The following CYB5RL variants were observed in gnomAD, a reference collection of about 807,000 sequenced individuals.
CYB5RL encodes cytochrome b5 reductase like, also known as NADH-cytochrome b5 reductase-like.
A neutral mutation model predicts 37.5 loss-of-function variants in CYB5RL; 38 were observed. That is an observed-to-expected ratio of 1.01 (90% CI 0.78 to 1.33). The LOEUF is 1.33. CYB5RL is among the 40% of genes most tolerant of loss of function. The pLI, the probability that CYB5RL is intolerant of heterozygous loss-of-function variation, is 0.00. For synonymous variants in CYB5RL, 141 were observed against 151.9 expected, an observed-to-expected ratio of 0.93 and a Z score of 0.53; for missense variants, 388 against 394.4, an observed-to-expected ratio of 0.98 and a Z score of 0.14.
At position 54,179,160 on chromosome 1, in the gene CYB5RL, C is replaced by A; in HGVS notation, c.733G>T (p.Val245Leu). 1 of 1,612,568 alleles carries A rather than the reference C, an allele frequency of 6.2e-7. No individual in the cohort carries two copies. Among genetic ancestry groups the A allele is most frequent in the African/African-American group, 1.3e-5 (1 of 75,026 alleles). ...CACCCTGGGCTCACCTGGCTGAGTA[C>A]AAAGAAGGTACGGACATTCCAGAAA... The part of the protein sequence containing the change: ...ARFWNVRTFF[V>L]LSQESSSEQL... Residue 245 changes from valine (V) to leucine (L), a missense_variant, in exon 7 of 8, where the codon GTA (valine) becomes TTA (leucine). Coordinates refer to ENST00000534324, the MANE Select transcript of CYB5RL (RefSeq NM_001031672.4).
chr1:54,195,631 C>G lies in CYB5RL; in HGVS notation c.-15G>C. 4.4e-6 allele frequency: 7 copies of G among 1,597,940 alleles called. No homozygotes were observed. The highest frequency in any genetic ancestry group is 6.0e-6 in the Non-Finnish European group (7 of 1,170,272). On this transcript the variant is annotated 5_prime_UTR_variant, in exon 3 of 8. Coordinates refer to ENST00000534324, the MANE Select transcript of CYB5RL (RefSeq NM_001031672.4). Reference sequence around the variant, plus strand: ...TCAGCCATCATCAGTGGGGCTTGGGCAGCCTAGAAGGAACAACTGGGTGCT... The same window carrying G: ...TCAGCCATCATCAGTGGGGCTTGGGGAGCCTAGAAGGAACAACTGGGTGCT...
At chr1:54,188,154 G>T (rs1166362440) in intron 4 of CYB5RL, among the ~76,000 whole-genome samples, 1 of 152,176 alleles carries the variant, frequency 6.6e-6, no homozygotes, top group Non-Finnish European at 1.5e-5. Context: ...TCACTGAGAG[G>T]CAGGCAAGAT....
At chr1:54,199,736 G>C (rs553513172) in intron 1 of CYB5RL, among the ~76,000 whole-genome samples, 19 of 152,340 alleles carry the variant, frequency 1.2e-4, no homozygotes, top group Middle Eastern at 6.8e-3. Flanking sequence ...GTCACGCTCA[G>C]AGCTGGCTTG....
chr1:54,198,359 G>A (rs956848985), intron 1 of CYB5RL, among the ~76,000 whole-genome samples: 4 of 149,224 alleles, frequency 2.7e-5, no homozygotes, highest in Admixed American at 2.0e-4. Flanking sequence ...TGAGACAAGA[G>A]TCTCGCTCTG....
chr1:54,196,760 A>C (rs773404565), intron 1 of CYB5RL, among the ~76,000 whole-genome samples: 1 of 152,182 alleles, frequency 6.6e-6, no homozygotes, highest in Non-Finnish European at 1.5e-5. Flanking sequence ...AGCTTCTAAA[A>C]TGGTGGCAAC....
intron 7 of CYB5RL, among the ~76,000 whole-genome samples, chr1:54,177,135 C>A (rs778150704): frequency 6.6e-6 from 1 of 152,038 alleles, no homozygotes; most frequent in African/African-American, 2.4e-5. Context: ...CAGTAGGGAG[C>A]CAGGCAAGGG....
At position 54,184,249 on chromosome 1, in the gene CYB5RL, AG is replaced by A. The variant is rs761980640; in HGVS notation, c.451del (p.Leu151Ter). The A allele has an allele frequency of 6.2e-7, 1 of 1,613,612 alleles. No individual in the cohort carries two copies. Among genetic ancestry groups the A allele is most frequent in the South Asian group, 1.1e-5 (1 of 90,888 alleles). On this transcript the variant is annotated frameshift_variant, in exon 6 of 8. Coordinates refer to ENST00000534324, the MANE Select transcript of CYB5RL (RefSeq NM_001031672.4). LOFTEE classifies it high-confidence loss of function. ...CCAGGACTCAACATACCGGGACATCAGCCCCATCTGGTAGCACTGGAAGCAA... is the reference window on the plus strand; with the variant it reads ...CCAGGACTCAACATACCGGGACATCACCCCATCTGGTAGCACTGGAAGCAA... ...EVLIKCYQMG[L>X]MSRYVESWRV...
rs1046504902 is a variant in CYB5RL, at chr1:54,195,516, G to A, written c.101C>T (p.Ser34Leu). The A allele has an allele frequency of 8.7e-6, 14 of 1,613,682 alleles. No individual in the cohort carries two copies. The Middle Eastern group carries it at 8.3e-4, about 95-fold the overall frequency. Residue 34 changes from serine (S) to leucine (L), a missense_variant, in exon 3 of 8, where the codon TCA (serine) becomes TTA (leucine). Coordinates refer to ENST00000534324, the MANE Select transcript of CYB5RL (RefSeq NM_001031672.4). ...GTGATAGAGGTCAAACACACAGGGT[G>A]AGCAGCCACTGCCGCAGCACTGGGA... Reference protein sequence around the residue: ...LPSQCCGSGCSPCVFDLYHRD... With the variant: ...LPSQCCGSGCLPCVFDLYHRD...
In CYB5RL at chr1:54,171,073, G is replaced by A. The variant is rs1282228738; in HGVS notation, c.*3546C>T. The A allele has an allele frequency of 2.2e-6, 1 of 451,862 alleles. No homozygotes were observed. Among genetic ancestry groups the A allele is most frequent in the South Asian group, 1.6e-5 (1 of 64,176 alleles). 28.0% of individuals were successfully genotyped at this position (451,862 alleles called of 1,614,324 possible). The stretch of plus-strand genomic sequence containing the variant: ...CACTTATGGGTACAGCGACAGAAAA[G>A]CACACAAGCCTCTCTGCTCACTGAC... On this transcript the variant is annotated 3_prime_UTR_variant, in exon 8 of 8. Coordinates refer to ENST00000534324, the MANE Select transcript of CYB5RL (RefSeq NM_001031672.4).
rs114608725 is a variant in CYB5RL, at chr1:54,186,706, G to A, written c.435+946C>T. Among the ~76,000 whole-genome samples the A allele has an allele frequency of 8.3e-4, 127 of 152,148 alleles. 1 individual carries two copies. The highest frequency in any genetic ancestry group is 1.5e-3 in the Non-Finnish European group (102 of 68,014). On this transcript the variant is annotated intron_variant, in intron 5 of 7. Coordinates refer to ENST00000534324, the MANE Select transcript of CYB5RL (RefSeq NM_001031672.4). ...TCTCCCAGACAAACAGTTGCATGAAGAAGGGATCCCATCCAAGCTTATGTG... is the reference window on the plus strand; with the variant it reads ...TCTCCCAGACAAACAGTTGCATGAAAAAGGGATCCCATCCAAGCTTATGTG...
chr1:54,195,522 C>T lies in CYB5RL; in HGVS notation c.95G>A (p.Gly32Asp). The change falls in exon 3 of 8, where the codon GGC becomes GAC. Residue 32 changes from glycine (G) to aspartate (D), a missense_variant. Gly to Asp is a moderately conservative substitution (Grantham distance 94, BLOSUM62 -1). Transcript: ENST00000534324. The stretch of plus-strand genomic sequence containing the variant: ...GAGGTCAAACACACAGGGTGAGCAG[C>T]CACTGCCGCAGCACTGGGAAGGCAA... Reference protein sequence around the residue: ...EPLPSQCCGSGCSPCVFDLYH... With the variant: ...EPLPSQCCGSDCSPCVFDLYH... The T allele has an allele frequency of 1.2e-6, 2 of 1,613,710 alleles. No homozygotes were observed. Among genetic ancestry groups the T allele is most frequent in the South Asian group, 1.1e-5 (1 of 91,058 alleles).
intron 6 of CYB5RL, chr1:54,180,235 TAA>T (rs11410550): frequency 4.1e-3 from 1,313 of 319,742 alleles, no homozygotes; most frequent in East Asian, 7.5e-3. Flanking sequence ...AGATTCCATC[TAA>T]AAAAAAAAAA....
chr1:54,177,892 G>A (rs1192928941), intron 7 of CYB5RL, among the ~76,000 whole-genome samples: 1 of 152,196 alleles, frequency 6.6e-6, no homozygotes, highest in Non-Finnish European at 1.5e-5. Flanking sequence ...CGACAGAGGA[G>A]GGAAAGCAAG....
intron 1 of CYB5RL, among the ~76,000 whole-genome samples, chr1:54,198,992 T>G (rs1644046833): frequency 6.6e-6 from 1 of 152,124 alleles, no homozygotes; most frequent in Non-Finnish European, 1.5e-5. Context: ...AGCAGAAAAG[T>G]TGGCCACGTC....
intron 1 of CYB5RL, among the ~76,000 whole-genome samples, chr1:54,199,472 C>A (rs911033737): frequency 2.6e-5 from 4 of 152,186 alleles, no homozygotes; most frequent in African/African-American, 9.7e-5. Flanking sequence ...TGTTTACCTG[C>A]GTTCTGTCTG....
At position 54,184,264 on chromosome 1, in the gene CYB5RL, C is replaced by T. The variant is rs1393748452; in HGVS notation, c.437G>A (p.Cys146Tyr). The change falls in exon 6 of 8, where the codon TGC (cysteine) becomes TAC (tyrosine). Residue 146 changes from cysteine to tyrosine, a missense_variant and splice_region_variant. Cys to Tyr is a radical substitution (Grantham distance 194). Transcript: ENST00000534324. ...CCGGGACATCAGCCCCATCTGGTAG[C>T]ACTGGAAGCAAACACAGGGAGACGT... ...AEGYFEVLIKCYQMGLMSRYV... is the reference protein window; with the variant it reads ...AEGYFEVLIKYYQMGLMSRYV... 1.2e-6 allele frequency: 2 copies of T among 1,612,974 alleles called. No individual in the cohort carries two copies. Among genetic ancestry groups the T allele is most frequent in the Non-Finnish European group, 1.7e-6 (2 of 1,179,494 alleles).
At chr1:54,175,760 A>G (rs905330184) in intron 7 of CYB5RL, 14 of 357,022 alleles carry the variant, frequency 3.9e-5, no homozygotes, top group African/African-American at 3.0e-4. Flanking sequence ...CTCAACATTT[A>G]CATTGTATTA....
rs543268945 is a variant in CYB5RL, at chr1:54,199,275, G to C, written c.-223+701C>G. Among the ~76,000 whole-genome samples, 8 of 152,300 alleles carry C rather than the reference G, an allele frequency of 5.3e-5. No individual in the cohort carries two copies. In the South Asian group the frequency reaches 1.7e-3, roughly 32 times the overall value. ...GTGCCAGGCACTGTTCTCAGTGCTGGGGATATAGCAGTGAAGAAACAGAAA... is the reference window on the plus strand; with the variant it reads ...GTGCCAGGCACTGTTCTCAGTGCTGCGGATATAGCAGTGAAGAAACAGAAA... On this transcript the variant is annotated intron_variant, in intron 1 of 7. Transcript: ENST00000534324.
At position 54,172,593 on chromosome 1, in the gene CYB5RL, C is replaced by T. The variant is rs894659502; in HGVS notation, c.*2026G>A. On this transcript the variant is annotated 3_prime_UTR_variant, in exon 8 of 8. Transcript: ENST00000534324. ...CCCTGCCAACCACTCTCCCAGCACC[C>T]TGCACTTACCTTTTCATGACACCCA... is the stretch of plus-strand genomic sequence containing the variant. The T allele has an allele frequency of 6.6e-6, 1 of 152,296 alleles. No homozygotes were observed. The highest frequency in any genetic ancestry group is 1.9e-4 in the East Asian group (1 of 5,198). 9.4% of individuals were successfully genotyped at this position (152,296 alleles called of 1,614,324 possible).
Sources: gnomAD v4.1 joint callset for allele counts (sites outside exome capture counted in the v4.1 genomes callset) on GRCh38, gnomAD v4.1.1 for gene constraint, MANE v1.5 for transcripts, NCBI Gene and HGNC (gene_info 2026-07-23, HGNC 2026-07-21) for gene names.